Variants in PCDHGA1 observed in about 807,000 individuals in gnomAD.
PCDHGA1 encodes protocadherin gamma subfamily A, 1.
Under a neutral mutation model 58.0 loss-of-function variants are expected in PCDHGA1, and 32 were observed. The ratio of observed to expected loss-of-function variants is 0.55; its 90% CI spans 0.42 to 0.74. The LOEUF is 0.74. Ranked by LOEUF, PCDHGA1 falls within the 30% of genes least tolerant of loss-of-function variation. The probability of loss-of-function intolerance (pLI) is 0.00; values close to 1 mark genes in which losing one functional copy is unlikely to be tolerated. For missense variants in PCDHGA1, 1,205 were observed against 1,182.3 expected, an observed-to-expected ratio of 1.02 and a Z score of -0.28; for synonymous variants, 498 against 501.1, an observed-to-expected ratio of 0.99 and a Z score of 0.08.
chr5:141,403,074 A>T (rs777613681), intron 1 of PCDHGA1: 1 of 1,614,088 alleles, frequency 6.2e-7, no homozygotes, highest in South Asian at 1.1e-5. Context: ...GAGACAGAAA[A>T]GGGCTATATT....
At chr5:141,409,276 G>A (rs1458443407) in intron 1 of PCDHGA1, 5 of 1,613,882 alleles carry the variant, frequency 3.1e-6, no homozygotes, top group African/African-American at 2.7e-5. Context: ...AGATTTTGGA[G>A]AATTCACCTC....
In PCDHGA1 at chr5:141,334,326, T is replaced by C. The variant is rs1756510240; in HGVS notation, c.2421+1221T>C. On this transcript the variant is annotated intron_variant, in intron 1 of 3. Coordinates refer to ENST00000517417, the MANE Select transcript of PCDHGA1 (RefSeq NM_018912.3). This position sits in a 1 kb window ranked among gnomAD's most constrained non-coding sequence, Gnocchi z 4.6. ...AGCTGGTTAAAAAGGAAAAGAAAGA[T>C]GCATTAACATGCTGCCTAGCTGGGC... 1 of 152,288 alleles carries C rather than the reference T, an allele frequency of 6.6e-6. No individual in the cohort carries two copies. Among genetic ancestry groups the C allele is most frequent in the African/African-American group, 2.4e-5 (1 of 41,476 alleles). 9.4% of individuals were successfully genotyped at this position (152,288 alleles called of 1,614,324 possible).
At chr5:141,478,068 A>T (rs560968418) in intron 1 of PCDHGA1, 1 of 1,614,134 alleles carries the variant, frequency 6.2e-7, no homozygotes, top group East Asian at 2.2e-5. Flanking sequence ...ATCAAAGACA[A>T]TGGGGAGCCT....
Position 141,352,397 on chromosome 5 carries a change from C to G in PCDHGA1, c.2421+19292C>G, listed in dbSNP as rs761570903. 3.7e-6 allele frequency: 6 copies of G among 1,614,058 alleles called. No homozygotes were observed. In the Admixed American group the frequency reaches 1.0e-4, roughly 27 times the overall value. ...TCTAGCGATCGCCCTGCGCCTGCGA[C>G]GTTCCTCCAGCCTCGACACTGAGGG... is the stretch of plus-strand genomic sequence containing the variant. On this transcript the variant is annotated intron_variant, in intron 1 of 3. Transcript: ENST00000517417.
chr5:141,510,825 G>C, intron 3 of PCDHGA1, 122 bp from the exon 4 acceptor site: 2 of 1,566,486 alleles, frequency 1.3e-6, no homozygotes, highest in Non-Finnish European at 1.7e-6. Flanking sequence ...TATATTCCCA[G>C]TGCTCAGCGT....
chr5:141,399,562 T>G (rs764432886), intron 1 of PCDHGA1: 1 of 1,613,898 alleles, frequency 6.2e-7, no homozygotes, highest in East Asian at 2.2e-5. Flanking sequence ...GGACTTGGGG[T>G]TGAACGGCCA....
intron 1 of PCDHGA1, chr5:141,403,432 G>A: frequency 1.2e-6 from 2 of 1,614,018 alleles, no homozygotes; most frequent in Non-Finnish European, 1.7e-6. Flanking sequence ...CTATTGATCC[G>A]GATGTTGGCG....
rs1272109802 is a variant in PCDHGA1 at position 141,403,110 on chromosome 5, C to G, written c.2421+70005C>G. The G allele has an allele frequency of 6.2e-7, 1 of 1,614,084 alleles. No individual in the cohort carries two copies. The highest frequency in any genetic ancestry group is 1.7e-5 in the Admixed American group (1 of 60,032). The stretch of plus-strand genomic sequence containing the variant: ...GTGGGCAACATCTCCAAGGACCTGG[C>G]TCTGGAGCCCCGGGAGCTGGCGGAG... On this transcript the variant is annotated intron_variant, in intron 1 of 3. Transcript: ENST00000517417.
intron 1 of PCDHGA1, chr5:141,393,148 A>AT: frequency 6.2e-7 from 1 of 1,613,332 alleles, no homozygotes; most frequent in Non-Finnish European, 8.5e-7. Context: ...CTGGTTGAGG[A>AT]TAAAGGAAAA....
chr5:141,478,454 A>T, intron 1 of PCDHGA1: 1 of 1,613,596 alleles, frequency 6.2e-7, no homozygotes. Flanking sequence ...TGGTGCAGCC[A>T]GTCCACTGGC....
In PCDHGA1 at chr5:141,476,316, G is replaced by A. The variant is rs536532455; in HGVS notation, c.2422-18491G>A. On this transcript the variant is annotated intron_variant, in intron 1 of 3. Coordinates refer to ENST00000517417, the MANE Select transcript of PCDHGA1 (RefSeq NM_018912.3). This position sits in a 1 kb window ranked among gnomAD's most constrained non-coding sequence, Gnocchi z 7.6. ...GGTAGCCTCTCAGCCCGCAGGTTCC[G>A]GGTGGTGTCTGGAGCTAGCCGAAGA... is the stretch of plus-strand genomic sequence containing the variant. The A allele has an allele frequency of 6.2e-7, 1 of 1,614,176 alleles. No individual in the cohort carries two copies. The highest frequency in any genetic ancestry group is 1.7e-5 in the Admixed American group (1 of 60,028).
intron 1 of PCDHGA1, chr5:141,415,051 C>T: frequency 3.1e-6 from 5 of 1,613,458 alleles, no homozygotes; most frequent in South Asian, 1.1e-5. Flanking sequence ...GGTGGGGGAG[C>T]ACACGGGCGA....
Position 141,415,740 on chromosome 5 carries a change from G to GTTTTTTTTTTTTTTT in PCDHGA1, c.2422-79049_2422-79035dup, listed in dbSNP as rs57426385. 67 of 625,038 alleles carry GTTTTTTTTTTTTTTT rather than the reference G, an allele frequency of 1.1e-4. 1 individual carries two copies. Among genetic ancestry groups the GTTTTTTTTTTTTTTT allele is most frequent in the African/African-American group, 2.5e-4 (10 of 39,932 alleles). The allele number at this position is 625,038 out of a possible 1,614,324, so 38.7% of individuals were successfully genotyped here. A position where few individuals can be genotyped will look rare whatever the true frequency, so the allele number is the denominator to read the frequency against. ...TGAGTAGAATTTGATGTTTATTAAG[G>GTTTTTTTTTTTTTTT]TTTTTTTTTTTTTTTTTTTTTTTTT... On this transcript the variant is annotated intron_variant, in intron 1 of 3. Coordinates refer to ENST00000517417, the MANE Select transcript of PCDHGA1 (RefSeq NM_018912.3).
At chr5:141,475,583 G>A (rs1181419200) in intron 1 of PCDHGA1, among the ~76,000 whole-genome samples, 1 of 152,198 alleles carries the variant, frequency 6.6e-6, no homozygotes, top group Non-Finnish European at 1.5e-5. Context: ...CAGATTTGTT[G>A]GTGTTTTTCC....
At chr5:141,434,462 C>T (rs2097695951) in intron 1 of PCDHGA1, among the ~76,000 whole-genome samples, 1 of 152,156 alleles carries the variant, frequency 6.6e-6, no homozygotes, top group Non-Finnish European at 1.5e-5. Flanking sequence ...GTGGGTTTAC[C>T]GGAATGAGGG....
At chr5:141,505,993 T>TGCGA (rs2099849805) in intron 3 of PCDHGA1, among the ~76,000 whole-genome samples, 1 of 152,188 alleles carries the variant, frequency 6.6e-6, no homozygotes, top group African/African-American at 2.4e-5. Context: ...CTCCTCTTTA[T>TGCGA]GCGAGGCTCC....
intron 1 of PCDHGA1, chr5:141,357,147 TG>T: frequency 6.2e-7 from 1 of 1,613,554 alleles, no homozygotes; most frequent in Non-Finnish European, 8.5e-7. Context: ...TCCAGGACCA[TG>T]GCCAGCCCCC....
In PCDHGA1 at chr5:141,376,687, T is replaced by G. The variant is rs1033908230; in HGVS notation, c.2421+43582T>G. On this transcript the variant is annotated intron_variant, in intron 1 of 3. Coordinates refer to ENST00000517417, the MANE Select transcript of PCDHGA1 (RefSeq NM_018912.3). ...CAGGTGAGGGTATCGTTTTTTTTTT[T>G]TTTTTTTTTTGAGACGGAGTCTCGC... The G allele has an allele frequency of 1.3e-4, 108 of 822,468 alleles. 3 individuals are homozygous for G. The highest frequency in any genetic ancestry group is 8.8e-4 in the East Asian group (32 of 36,212). 50.9% of individuals were successfully genotyped at this position (822,468 alleles called of 1,614,324 possible).
At chr5:141,357,454 A>T in intron 1 of PCDHGA1, 1 of 1,614,090 alleles carries the variant, frequency 6.2e-7, no homozygotes, top group Non-Finnish European at 8.5e-7. Context: ...TTTCCTGCAG[A>T]CCTATTCCCA....
Sources: allele counts gnomAD v4.1 joint callset (sites outside exome capture counted in the v4.1 genomes callset), GRCh38; gene constraint gnomAD v4.1.1; non-coding constraint Gnocchi (gnomAD v3.1); transcripts MANE v1.5; gene names NCBI Gene and HGNC (gene_info 2026-07-23, HGNC 2026-07-21).